The following LDLRAD4 variants were observed in gnomAD, a reference collection of about 807,000 sequenced individuals.
LDLRAD4 encodes low density lipoprotein receptor class A domain containing 4, also known as low-density lipoprotein receptor class A domain-containing protein 4.
LDLRAD4 carries 5 observed loss-of-function variants against 17.0 expected under a neutral mutation model. The ratio of observed to expected loss-of-function variants is 0.29; its 90% confidence interval spans 0.15 to 0.62. The LOEUF (loss-of-function observed/expected upper bound fraction) is 0.62, where lower values mean the gene tolerates loss of function less well. LDLRAD4 is among the 20% of genes least tolerant of loss of function. The pLI, the probability that LDLRAD4 is intolerant of heterozygous loss-of-function variation, is 0.84. For synonymous variants in LDLRAD4, 168 were observed against 171.8 expected, an observed-to-expected ratio of 0.98 and a Z score of 0.17; for missense variants, 340 against 424.7, an observed-to-expected ratio of 0.80 and a Z score of 1.75.
rs377602365 is a variant in LDLRAD4, at chr18:13,240,936, CT to C, written c.-467+21958del. On this transcript the variant is annotated intron_variant, in intron 1 of 5. Coordinates refer to the LDLRAD4 transcript ENST00000399848. ...CTTTTTTTTTCTTTTCTTTTCTTTT[CT>C]TTTTTTTTTGAGATGGAGTTTCACT... 2.2e-4 allele frequency: 32 copies of C among 148,264 alleles called. No individual in the cohort carries two copies. The East Asian group carries it at 2.9e-3, about 14-fold the overall frequency. The allele number at this position is 148,264 out of a possible 1,614,324, so 9.2% of individuals were successfully genotyped here.
chr18:13,331,030 G>T (rs976360464), intron 1 of LDLRAD4, among the ~76,000 whole-genome samples: 1 of 152,310 alleles, frequency 6.6e-6, no homozygotes, highest in Non-Finnish European at 1.5e-5. Context: ...CTCTTCATCT[G>T]TATCCTTCCT....
exon 6 of LDLRAD4, chr18:13,651,765 C>T (rs1309434283): frequency 1.3e-5 from 2 of 152,230 alleles, no homozygotes; most frequent in Non-Finnish European, 2.9e-5. Flanking sequence ...ATATTATCAG[C>T]TTATTCTGCC....
intron 3 of LDLRAD4, among the ~76,000 whole-genome samples, chr18:13,598,426 T>G (rs1379039980): frequency 1.3e-5 from 2 of 152,258 alleles, no homozygotes; most frequent in Non-Finnish European, 2.9e-5. Flanking sequence ...GCTAATTGCT[T>G]TATTGTTTTC....
intron 1 of LDLRAD4, among the ~76,000 whole-genome samples, chr18:13,237,956 T>C (rs6505789): frequency 0.5 from 75,651 of 152,042 alleles, 20,183 homozygotes; most frequent in African/African-American, 0.7. Context: ...GCCTCCTGGA[T>C]GCCCACCCTG....
Position 13,623,648 on chromosome 18 carries a change from A to G in LDLRAD4, c.336+2377A>G, listed in dbSNP as rs866441382. ...CTTGCTCCACTTCCCGATCTGGTGT[A>G]TTAGCCCAGTTGATGGTTCCCCAAA... On this transcript the variant is annotated intron_variant, in intron 4 of 5. Transcript: ENST00000359446. 6.6e-5 allele frequency among the ~76,000 whole-genome samples: 10 copies of G among 152,334 alleles called. No homozygotes were observed. The South Asian group carries it at 1.9e-3, about 28-fold the overall frequency.
rs150443192 is a variant in LDLRAD4, at chr18:13,352,121, A to T, written c.-382-35220A>T. ...TCTTGATGTAACATATCTCAAAATA[A>T]TAAGAACTATTTATGACAGACCCAC... is the stretch of plus-strand genomic sequence containing the variant. On this transcript the variant is annotated intron_variant, in intron 1 of 5. Coordinates refer to ENST00000359446, the Ensembl canonical transcript of LDLRAD4. 2.4e-4 allele frequency among the ~76,000 whole-genome samples: 37 copies of T among 152,338 alleles called. No individual in the cohort carries two copies. In the East Asian group the frequency reaches 7.1e-3, roughly 29 times the overall value.
At chr18:13,344,982 C>G (rs1177075088) in intron 1 of LDLRAD4, among the ~76,000 whole-genome samples, 1 of 152,138 alleles carries the variant, frequency 6.6e-6, no homozygotes, top group East Asian at 1.9e-4. Flanking sequence ...AGATTTTGTT[C>G]TGAGACAATG....
chr18:13,317,147 C>T (rs994439615), intron 1 of LDLRAD4, among the ~76,000 whole-genome samples: 5 of 152,144 alleles, frequency 3.3e-5, no homozygotes, highest in African/African-American at 4.8e-5. Context: ...ATCAAAGCAT[C>T]GGGCATTGCC....
At chr18:13,541,036 C>T (rs1373433550) in intron 3 of LDLRAD4, among the ~76,000 whole-genome samples, 12 of 152,164 alleles carry the variant, frequency 7.9e-5, no homozygotes, top group Non-Finnish European at 1.8e-4. Context: ...GGGGCTGCTG[C>T]ATTCTAGTTT....
chr18:13,340,549 C>G (rs2082322852), intron 1 of LDLRAD4, among the ~76,000 whole-genome samples: 1 of 152,152 alleles, frequency 6.6e-6, no homozygotes, highest in South Asian at 2.1e-4. Context: ...GGAGAAATGT[C>G]TATTCAAGTC....
chr18:13,308,213 C>A (rs1314612919), intron 1 of LDLRAD4, among the ~76,000 whole-genome samples: 1 of 152,092 alleles, frequency 6.6e-6, no homozygotes, highest in Admixed American at 6.6e-5. Context: ...TTTTTCTTGT[C>A]CCACCCGCCG....
At chr18:13,468,368 G>A (rs549649352) in intron 3 of LDLRAD4, among the ~76,000 whole-genome samples, 128 of 152,304 alleles carry the variant, frequency 8.4e-4, no homozygotes, top group African/African-American at 2.8e-3. Context: ...TGGAGAGGAT[G>A]TGGAGAAATA....
chr18:13,567,284 C>A (rs1348251221), intron 3 of LDLRAD4, among the ~76,000 whole-genome samples: 2 of 152,238 alleles, frequency 1.3e-5, no homozygotes, highest in African/African-American at 2.4e-5. Context: ...TACCTTGCGT[C>A]TTCCTAATCT....
intron 1 of LDLRAD4, among the ~76,000 whole-genome samples, chr18:13,294,535 C>T (rs1012006703): frequency 1.3e-5 from 2 of 152,188 alleles, no homozygotes; most frequent in African/African-American, 4.8e-5. Context: ...AACTAAAACC[C>T]CTCAATGACA....
chr18:13,633,150 T>A (rs2041818236), intron 4 of LDLRAD4, among the ~76,000 whole-genome samples: 3 of 152,240 alleles, frequency 2.0e-5, no homozygotes, highest in Admixed American at 2.0e-4. Flanking sequence ...AGACCTGCAG[T>A]GAGTAGCTCC....
chr18:13,573,827 G>A (rs2094727392), intron 3 of LDLRAD4, among the ~76,000 whole-genome samples: 1 of 152,204 alleles, frequency 6.6e-6, no homozygotes, highest in Admixed American at 6.5e-5. Flanking sequence ...CCCTTCTCAG[G>A]TGGTGAAGCC....
chr18:13,306,011 G>T (rs1225106046), intron 1 of LDLRAD4, among the ~76,000 whole-genome samples: 1 of 152,142 alleles, frequency 6.6e-6, no homozygotes, highest in African/African-American at 2.4e-5. Context: ...TTTAGAAAGA[G>T]ATTTGGCTTA....
At chr18:13,556,972 C>T (rs563371003) in intron 3 of LDLRAD4, among the ~76,000 whole-genome samples, 17 of 152,222 alleles carry the variant, frequency 1.1e-4, no homozygotes, top group African/African-American at 3.4e-4. Flanking sequence ...CAAGCTTGGA[C>T]GTTACAGCAC....
At chr18:13,229,552 G>C (rs1275857635) in intron 1 of LDLRAD4, among the ~76,000 whole-genome samples, 1 of 152,156 alleles carries the variant, frequency 6.6e-6, no homozygotes, top group Non-Finnish European at 1.5e-5. Flanking sequence ...AGACCAAGGA[G>C]AAGATAGAAT....
Sources: allele counts gnomAD v4.1 joint callset (sites outside exome capture counted in the v4.1 genomes callset), GRCh38; gene constraint gnomAD v4.1.1; transcripts MANE v1.5; gene names NCBI Gene and HGNC (gene_info 2026-07-23, HGNC 2026-07-21).